The following ZNF536 variants were observed in gnomAD, a reference collection of about 807,000 sequenced individuals.
The protein encoded by ZNF536 is zinc finger protein 536.
A neutral mutation model predicts 84.5 loss-of-function variants in ZNF536; 13 were observed. The ratio of observed to expected loss-of-function variants is 0.15; its 90% CI spans 0.10 to 0.24. ZNF536 has a LOEUF of 0.24. Among genes scored for constraint, ZNF536 ranks in the 10% least tolerant of loss-of-function variants. The pLI is 1.00. For missense variants in ZNF536, 1,536 were observed against 1,747.5 expected (o/e 0.88, Z 2.16); for synonymous variants, 811 against 742.5 (o/e 1.09, Z -1.50).
At chr19:30,340,964 C>G (rs146190882) in intron 2 of ZNF536, among the ~76,000 whole-genome samples, 3 of 152,212 alleles carry the variant, frequency 2.0e-5, no homozygotes, top group Admixed American at 2.0e-4. Context: ...CAGGGAGACT[C>G]GAGAAAAAAA....
rs2148217785 is a variant in ZNF536 at position 30,445,267 on chromosome 19, G to A, written c.1705G>A (p.Val569Met). The A allele has an allele frequency of 6.2e-7, 1 of 1,614,212 alleles. No homozygotes were observed. Among genetic ancestry groups the A allele is most frequent in the Non-Finnish European group, 8.5e-7 (1 of 1,180,040 alleles). Reference sequence around the variant, plus strand: ...TAAGGAGAAGCGGGAGTACGTGTTAGTGGGAGCAGATGGCTCCAAGCAGAA... The same window carrying A: ...TAAGGAGAAGCGGGAGTACGTGTTAATGGGAGCAGATGGCTCCAAGCAGAA... ...FDKEKREYVLVGADGSKQKMP... is the reference protein window; with the variant it reads ...FDKEKREYVLMGADGSKQKMP... The change falls in exon 2 of 5, where the codon GTG becomes ATG. Residue 569 changes from valine to methionine, a missense_variant. Around this residue, in one of 8 missense-constraint regions of ZNF536, gnomAD observed 366 missense variants for 364.4 expected, o/e 1.00. Coordinates refer to ENST00000355537, the MANE Select transcript of ZNF536 (RefSeq NM_014717.3). This position sits in a 1 kb window ranked among gnomAD's most constrained non-coding sequence, Gnocchi z 4.5.
intron 2 of ZNF536, among the ~76,000 whole-genome samples, chr19:30,306,097 C>T (rs1246079729): frequency 1.3e-5 from 2 of 151,920 alleles, no homozygotes; most frequent in Non-Finnish European, 2.9e-5. Flanking sequence ...ATTGTTTTGC[C>T]TTATTGGCAG....
chr19:30,585,739 C>T (rs2047073337), intron 1 of ZNF536, among the ~76,000 whole-genome samples: 1 of 152,160 alleles, frequency 6.6e-6, no homozygotes, highest in African/African-American at 2.4e-5. Context: ...TTCCCATCTC[C>T]CCTGATGACC....
chr19:30,584,163 A>G (rs1225073677), intron 1 of ZNF536, among the ~76,000 whole-genome samples: 1 of 151,918 alleles, frequency 6.6e-6, no homozygotes, highest in Admixed American at 6.6e-5. Context: ...CCTCCTATCC[A>G]TCATTCCAGG....
At chr19:30,357,232 T>C (rs10406668) in intron 3 of ZNF536, among the ~76,000 whole-genome samples, 124,658 of 152,222 alleles carry the variant, frequency 0.82, 51,210 homozygotes, top group African/African-American at 0.87. Context: ...GGGACGCTGG[T>C]AGCTAGAGGT....
intron 2 of ZNF536, among the ~76,000 whole-genome samples, chr19:30,325,573 C>G (rs2046996856): frequency 6.6e-6 from 1 of 152,208 alleles, no homozygotes; most frequent in South Asian, 2.1e-4. Context: ...AGGGCCCTTC[C>G]CTGAGGCTCA....
intron 4 of ZNF536, chr19:30,556,450 G>C (rs1043722158): frequency 1.3e-5 from 2 of 152,210 alleles, no homozygotes; most frequent in Non-Finnish European, 2.9e-5. Flanking sequence ...TGATGGAGAG[G>C]CAGCCTCTCT....
At chr19:30,509,988 C>T (rs1044654181) in intron 2 of ZNF536, among the ~76,000 whole-genome samples, 1 of 152,178 alleles carries the variant, frequency 6.6e-6, no homozygotes, top group African/African-American at 2.4e-5. Flanking sequence ...CAAATGATTT[C>T]ATTCTGTTGA....
At chr19:30,395,091 G>A (rs1417061899) in intron 1 of ZNF536, among the ~76,000 whole-genome samples, 3 of 152,168 alleles carry the variant, frequency 2.0e-5, no homozygotes, top group Admixed American at 6.5e-5. Context: ...TGAAGTTCTA[G>A]TCTTCTTAGG....
chr19:30,551,903 A>G (rs931274195), intron 4 of ZNF536, among the ~76,000 whole-genome samples: 4 of 151,998 alleles, frequency 2.6e-5, no homozygotes, highest in Admixed American at 2.6e-4. Flanking sequence ...CACTCCCCCC[A>G]TATCTGGCCC....
chr19:30,429,503 G>A (rs927216890), intron 1 of ZNF536, among the ~76,000 whole-genome samples: 4 of 152,094 alleles, frequency 2.6e-5, no homozygotes, highest in East Asian at 3.9e-4. Context: ...ACCCCGCATC[G>A]TCAGCTCACC....
At chr19:30,282,166 A>G (rs1403069969) in intron 1 of ZNF536, among the ~76,000 whole-genome samples, 1 of 152,202 alleles carries the variant, frequency 6.6e-6, no homozygotes, top group African/African-American at 2.4e-5. Context: ...TTTAGACTGG[A>G]TCAGAAAGGC....
chr19:30,677,783 A>C (rs143952400), intron 1 of ZNF536, among the ~76,000 whole-genome samples: 3 of 152,350 alleles, frequency 2.0e-5, no homozygotes, highest in Admixed American at 2.0e-4. Flanking sequence ...CTGAGCTCAT[A>C]AAGCCCAAGT....
chr19:30,649,381 C>G (rs912613619), intron 1 of ZNF536, among the ~76,000 whole-genome samples: 2 of 152,162 alleles, frequency 1.3e-5, no homozygotes, highest in South Asian at 2.1e-4. Flanking sequence ...AGCTGTGTCT[C>G]ACTAATATGC....
At chr19:30,238,881 A>G (rs1412880221) in intron 1 of ZNF536, among the ~76,000 whole-genome samples, 1 of 152,128 alleles carries the variant, frequency 6.6e-6, no homozygotes, top group Non-Finnish European at 1.5e-5. Context: ...GACTCCCCTA[A>G]TTTGCATACT....
chr19:30,240,534 G>T (rs189156228), intron 1 of ZNF536, among the ~76,000 whole-genome samples: 1 of 152,204 alleles, frequency 6.6e-6, no homozygotes, highest in Non-Finnish European at 1.5e-5. Context: ...GCTCTGCCTG[G>T]GAGGAGGCCC....
At chr19:30,226,364 C>T (rs1322632034), upstream of ZNF536, among the ~76,000 whole-genome samples, 1 of 152,152 alleles carries the variant, frequency 6.6e-6, no homozygotes, top group East Asian at 1.9e-4. The surrounding 1 kb of genome is among the most constrained non-coding windows in gnomAD (Gnocchi z 4.6). Context: ...GGGTTCCGGC[C>T]CCTCCGCCCG....
intron 1 of ZNF536, among the ~76,000 whole-genome samples, chr19:30,272,305 A>G (rs1432799817): frequency 1.3e-5 from 2 of 152,148 alleles, no homozygotes; most frequent in African/African-American, 2.4e-5. Context: ...CAGCGTTACC[A>G]TGTATCTTCT....
chr19:30,467,855 C>T (rs972599555), intron 2 of ZNF536, among the ~76,000 whole-genome samples: 1 of 152,248 alleles, frequency 6.6e-6, no homozygotes, highest in African/African-American at 2.4e-5. Context: ...GCCCTTTCCA[C>T]AGCACCTGGA....
Sources: allele counts gnomAD v4.1 joint callset (sites outside exome capture counted in the v4.1 genomes callset), GRCh38; gene constraint gnomAD v4.1.1; regional missense constraint gnomAD v4.1.1; non-coding constraint Gnocchi (gnomAD v3.1); transcripts MANE v1.5; gene names NCBI Gene and HGNC (gene_info 2026-07-23, HGNC 2026-07-21).